PRKDC: variants seen among roughly 807,000 people sequenced by gnomAD.
PRKDC encodes the protein protein kinase, DNA-activated, catalytic subunit.
A neutral mutation model predicts 486.9 loss-of-function variants in PRKDC; 82 were observed. The ratio of observed to expected loss-of-function variants is 0.17; its 90% CI spans 0.14 to 0.20. The LOEUF (loss-of-function observed/expected upper bound fraction) is 0.20, where lower values mean the gene tolerates loss of function less well. Among genes scored for constraint, PRKDC ranks in the 10% least tolerant of loss-of-function variants. The pLI is 1.00. For synonymous variants in PRKDC, 1,895 were observed against 1,837.0 expected (o/e 1.03, Z -0.81); for missense variants, 4,504 against 5,038.2 (o/e 0.89, Z 3.21).
At chr8:47,917,638 C>A (rs1051149692) in intron 22 of PRKDC, among the ~76,000 whole-genome samples, 1 of 152,128 alleles carries the variant, frequency 6.6e-6, no homozygotes, top group Non-Finnish European at 1.5e-5. Context: ...AAAACTGGAA[C>A]AAACTGAACC....
At chr8:47,883,935 G>C (rs1563784171) in intron 36 of PRKDC, among the ~76,000 whole-genome samples, 1 of 152,210 alleles carries the variant, frequency 6.6e-6, no homozygotes, top group Non-Finnish European at 1.5e-5. Flanking sequence ...CTCGCTGGTG[G>C]GGAGGATCAC....
intron 58 of PRKDC, among the ~76,000 whole-genome samples, chr8:47,835,871 C>T (rs1353579010): frequency 6.6e-6 from 1 of 151,852 alleles, no homozygotes; most frequent in Non-Finnish European, 1.5e-5. Flanking sequence ...CGAGCCATTC[C>T]CCGCCTCAGC....
intron 39 of PRKDC, 78 bp from the exon 40 acceptor site, chr8:47,877,929 A>C: frequency 9.2e-7 from 1 of 1,084,630 alleles, no homozygotes; most frequent in East Asian, 3.3e-5. Context: ...TATACTAAAA[A>C]TATAAAAAGT....
chr8:47,837,810 C>T (rs1348970421), intron 56 of PRKDC, among the ~76,000 whole-genome samples: 2 of 151,996 alleles, frequency 1.3e-5, no homozygotes, highest in African/African-American at 2.4e-5. Context: ...AAAATTACTG[C>T]CATAAAATAC....
chr8:47,946,915 C>CA (rs1166060552), intron 7 of PRKDC, among the ~76,000 whole-genome samples: 1 of 152,208 alleles, frequency 6.6e-6, no homozygotes, highest in East Asian at 1.9e-4. Flanking sequence ...CCACACCCAA[C>CA]AGCAGTCAGG....
intron 54 of PRKDC, among the ~76,000 whole-genome samples, chr8:47,844,688 C>T (rs959107463): frequency 3.9e-5 from 6 of 152,082 alleles, no homozygotes; most frequent in African/African-American, 1.2e-4. Context: ...ATACCAAGCA[C>T]ACACTCAGAC....
At chr8:47,957,805 C>T (rs1475773386) in intron 1 of PRKDC, among the ~76,000 whole-genome samples, 1 of 152,168 alleles carries the variant, frequency 6.6e-6, no homozygotes, top group South Asian at 2.1e-4. Context: ...TGAGCCACCG[C>T]GCCTGGCCAA....
At chr8:47,882,495 G>C (rs1192105210) in intron 36 of PRKDC, among the ~76,000 whole-genome samples, 2 of 151,858 alleles carry the variant, frequency 1.3e-5, no homozygotes, top group African/African-American at 4.8e-5. Flanking sequence ...CACTGTACAT[G>C]CATGCACAAG....
Position 47,824,015 on chromosome 8 carries a change from A to G in PRKDC, c.8784-19T>C, listed in dbSNP as rs531575210. Reference sequence around the variant, plus strand: ...ATACAGCCTACAAAACAAATCAAAAAGGCCAAATCAATGAACACTCCAGTA... The same window carrying G: ...ATACAGCCTACAAAACAAATCAAAAGGGCCAAATCAATGAACACTCCAGTA... On this transcript the variant is annotated intron_variant, in intron 63 of 85. Transcript: ENST00000314191. 9 of 1,554,734 alleles carry G rather than the reference A, an allele frequency of 5.8e-6. No individual in the cohort carries two copies. In the African/African-American group the frequency reaches 1.1e-4, roughly 19 times the overall value.
intron 72 of PRKDC, 27 bp downstream of exon 72, chr8:47,799,183 A>T: frequency 6.2e-7 from 1 of 1,612,904 alleles, no homozygotes; most frequent in African/African-American, 1.3e-5. Context: ...ACATAATGGA[A>T]CACTAGCTTT....
chr8:47,905,053 G>A, intron 25 of PRKDC, 77 bp from the exon 26 acceptor site: 2 of 1,035,632 alleles, frequency 1.9e-6, no homozygotes, highest in Non-Finnish European at 2.9e-6. Context: ...CCATTTAAAT[G>A]CCATTTGCAG....
chr8:47,916,485 T>C (rs1252747129), intron 22 of PRKDC, among the ~76,000 whole-genome samples: 1 of 151,962 alleles, frequency 6.6e-6, no homozygotes. Flanking sequence ...CTTACTGCAA[T>C]AGTTACAAGT....
chr8:47,934,693 T>C (rs780093030), intron 14 of PRKDC, among the ~76,000 whole-genome samples: 14 of 152,226 alleles, frequency 9.2e-5, no homozygotes, highest in Non-Finnish European at 1.3e-4. Flanking sequence ...CATCTCATCA[T>C]ATGTCCTATA....
chr8:47,948,702 T>C (rs2090577909), intron 7 of PRKDC, among the ~76,000 whole-genome samples: 2 of 151,874 alleles, frequency 1.3e-5, no homozygotes, highest in Non-Finnish European at 2.9e-5. Flanking sequence ...CCTCAGGTGA[T>C]CCGCCCACCT....
At chr8:47,857,937 CTGGCT>C (rs916110536) in intron 48 of PRKDC, among the ~76,000 whole-genome samples, 5 of 152,146 alleles carry the variant, frequency 3.3e-5, no homozygotes, top group African/African-American at 1.2e-4. Context: ...ATGGCCTGGC[CTGGCT>C]CTGGTCCAGA....
chr8:47,859,100 T>C (rs2154500571), intron 46 of PRKDC, 114 bp from the exon 47 acceptor site: 1 of 1,127,068 alleles, frequency 8.9e-7, no homozygotes, highest in Non-Finnish European at 1.3e-6. Context: ...ACTTAGGTAA[T>C]AATGATAATC....
intron 45 of PRKDC, 126 bp from the exon 46 acceptor site, chr8:47,859,885 A>G: frequency 1.0e-6 from 1 of 968,296 alleles, no homozygotes; most frequent in Non-Finnish European, 1.5e-6. Flanking sequence ...CAAGCCAGTG[A>G]TTATTAACCT....
intron 72 of PRKDC, 96 bp downstream of exon 72, chr8:47,799,114 T>G: frequency 6.9e-7 from 1 of 1,447,778 alleles, no homozygotes; most frequent in Non-Finnish European, 9.4e-7. Flanking sequence ...TATTTGTAAT[T>G]TGAAAACAAA....
At chr8:47,831,298 C>T (rs1047026551) in intron 60 of PRKDC, among the ~76,000 whole-genome samples, 1 of 152,238 alleles carries the variant, frequency 6.6e-6, no homozygotes, top group Admixed American at 6.5e-5. Context: ...GTGGCGGCGG[C>T]GGCTGGCGCT....
Sources: allele counts gnomAD v4.1 joint callset (sites outside exome capture counted in the v4.1 genomes callset), GRCh38; gene constraint gnomAD v4.1.1; transcripts MANE v1.5; gene names NCBI Gene and HGNC (gene_info 2026-07-23, HGNC 2026-07-21).